The following DBF4B variants were observed in gnomAD, a reference collection of about 807,000 sequenced individuals.
DBF4B encodes the protein protein DBF4 homolog B.
In DBF4B, 49 loss-of-function variants were observed where a neutral mutation model predicts 53.4. The observed-to-expected ratio is 0.92, with a 90% CI of 0.73 to 1.16. DBF4B has a LOEUF of 1.16. Ranked by LOEUF, DBF4B falls within the 50% of genes most tolerant of loss-of-function variation. The pLI is 0.00. For synonymous variants in DBF4B, 257 were observed against 288.7 expected, an observed-to-expected ratio of 0.89 and a Z score of 1.11; for missense variants, 692 against 775.0, an observed-to-expected ratio of 0.89 and a Z score of 1.27.
At position 44,750,642 on chromosome 17, in the gene DBF4B, G is replaced by C. The variant is rs367600377; in HGVS notation, c.1237G>C (p.Asp413His). Reference sequence around the variant, plus strand: ...CCAGCAGCGATGGACAGAATCACTAGATGGTGTGATGGGACCTCCTGCAAG... The same window carrying C: ...CCAGCAGCGATGGACAGAATCACTACATGGTGTGATGGGACCTCCTGCAAG... ...AGQQRWTESL[D>H]GVMGPPASHT... The change falls in exon 14 of 14, where the codon GAT (aspartate) becomes CAT (histidine). Residue 413 changes from aspartate (D) to histidine (H), a missense_variant. Asp to His is a moderately conservative substitution (Grantham distance 81). This residue lies in a region of DBF4B where 597 missense variants were observed against 665.8 expected (regional missense o/e 0.90). Coordinates refer to ENST00000315005, the MANE Select transcript of DBF4B (RefSeq NM_145663.3). 1.9e-6 allele frequency: 3 copies of C among 1,613,868 alleles called. No individual in the cohort carries two copies. Among genetic ancestry groups the C allele is most frequent in the Non-Finnish European group, 2.5e-6 (3 of 1,180,028 alleles).
At chr17:44,721,224 C>CT (rs1033988909) in intron 2 of DBF4B, among the ~76,000 whole-genome samples, 2 of 134,018 alleles carry the variant, frequency 1.5e-5, no homozygotes, top group African/African-American at 3.0e-5. Flanking sequence ...CTTCCCCCCC[C>CT]CTCCCCTTTT....
Position 44,723,757 on chromosome 17 carries a change from T to TC in DBF4B, c.225+735_225+736insC, listed in dbSNP as rs1261588177. On this transcript the variant is annotated intron_variant, in intron 3 of 13. Coordinates refer to ENST00000315005, the MANE Select transcript of DBF4B (RefSeq NM_145663.3). ...CTGGGAGACAGAGTGAGACTCTGTA[T>TC]AAAAAAAAAAAAATGATAAATAAAT... 6.9e-4 allele frequency among the ~76,000 whole-genome samples: 95 copies of TC among 138,154 alleles called. 1 individual carries two copies. The highest frequency in any genetic ancestry group is 1.8e-3 in the African/African-American group (66 of 37,590). 90.6% of individuals were successfully genotyped at this position (138,154 alleles called of 152,430 possible). A position where few individuals can be genotyped will look rare whatever the true frequency, so the allele number is the denominator to read the frequency against.
intron 10 of DBF4B, among the ~76,000 whole-genome samples, chr17:44,745,824 A>C (rs967628134): frequency 2.6e-5 from 4 of 152,162 alleles, no homozygotes; most frequent in Non-Finnish European, 1.5e-5. Flanking sequence ...GAAGTCTTTA[A>C]AAGGAGTGTT....
intron 3 of DBF4B, among the ~76,000 whole-genome samples, chr17:44,723,972 G>A (rs1974072569): frequency 6.6e-6 from 1 of 152,032 alleles, no homozygotes; most frequent in South Asian, 2.1e-4. Flanking sequence ...TTAAGCGGGT[G>A]TGGTGGTGCA....
At chr17:44,724,535 GC>G (rs1388489104) in intron 3 of DBF4B, among the ~76,000 whole-genome samples, 1 of 152,124 alleles carries the variant, frequency 6.6e-6, no homozygotes, top group African/African-American at 2.4e-5. Context: ...CTATCACCAC[GC>G]CCGGCTAATT....
chr17:44,709,216 C>A, intron 1 of DBF4B, 88 bp from the exon 2 acceptor site: 1 of 1,542,726 alleles, frequency 6.5e-7, no homozygotes, highest in Non-Finnish European at 8.9e-7. Context: ...CGTTTCTGTG[C>A]GCGTTTTGGG....
rs1391027983 is a variant in DBF4B at position 44,747,254 on chromosome 17, G to A, written c.939+63G>A. The stretch of plus-strand genomic sequence containing the variant: ...GCCCTGAGGGAGCCTGCTCACTGGG[G>A]ATGAGTCCTTCCTATGCGATCTCTA... On this transcript the variant is annotated intron_variant, in intron 11 of 13. Coordinates refer to ENST00000315005, the MANE Select transcript of DBF4B (RefSeq NM_145663.3). 3 of 1,601,276 alleles carry A rather than the reference G, an allele frequency of 1.9e-6. No individual in the cohort carries two copies. In the East Asian group the frequency reaches 6.7e-5, roughly 36 times the overall value.
Position 44,738,425 on chromosome 17 carries a change from G to GTGA in DBF4B, c.713+2_713+4dup. 6.2e-7 allele frequency: 1 copy of GTGA among 1,613,598 alleles called. No homozygotes were observed. Among genetic ancestry groups the GTGA allele is most frequent in the Non-Finnish European group, 8.5e-7 (1 of 1,179,614 alleles). The stretch of plus-strand genomic sequence containing the variant: ...TCCTCAAAATCGAAGATGAAAGCAG[G>GTGA]TGAGTGGGACCTCCTTTCTCTGCTT... On this transcript the variant is annotated splice_donor_variant, in intron 9 of 13. Coordinates refer to ENST00000315005, the MANE Select transcript of DBF4B (RefSeq NM_145663.3). LOFTEE classifies it high-confidence loss of function.
chr17:44,736,953 C>T (rs1975506157), intron 8 of DBF4B, 87 bp downstream of exon 8: 1 of 1,487,962 alleles, frequency 6.7e-7, no homozygotes. Flanking sequence ...AGCATCTGCT[C>T]ACTTTTCTGT....
chr17:44,732,408 TG>T, intron 6 of DBF4B, 143 bp downstream of exon 6: 1 of 876,924 alleles, frequency 1.1e-6, no homozygotes, highest in Admixed American at 2.3e-5. Flanking sequence ...TCCACAAAGG[TG>T]GGAGGATGTG....
intron 6 of DBF4B, chr17:44,733,777 C>T (rs1258043330): frequency 6.1e-6 from 2 of 326,132 alleles, no homozygotes; most frequent in Admixed American, 4.4e-5. Flanking sequence ...GCCTCCCTCA[C>T]AGCCACAGCT....
intron 13 of DBF4B, chr17:44,750,281 T>G: frequency 4.5e-6 from 5 of 1,102,476 alleles, no homozygotes; most frequent in East Asian, 5.6e-5. Flanking sequence ...TGTACCGTGA[T>G]TCTTCTCACC....
intron 2 of DBF4B, among the ~76,000 whole-genome samples, chr17:44,717,339 T>G (rs1225852908): frequency 6.6e-6 from 1 of 152,154 alleles, no homozygotes; most frequent in African/African-American, 2.4e-5. Context: ...TAAAAAAATT[T>G]CAAAAATAGT....
At chr17:44,750,491 T>G in intron 13 of DBF4B, 104 bp from the exon 14 acceptor site, 1 of 1,496,726 alleles carries the variant, frequency 6.7e-7, no homozygotes, top group South Asian at 1.4e-5. Flanking sequence ...CTGTTAAATT[T>G]TACAATTAAT....
intron 2 of DBF4B, among the ~76,000 whole-genome samples, chr17:44,715,758 A>G (rs1476310616): frequency 1.0e-5 from 1 of 98,392 alleles, no homozygotes; most frequent in East Asian, 3.3e-4. Context: ...TTCCTACATT[A>G]TGTCTATTTC....
At position 44,750,577 on chromosome 17, in the gene DBF4B, C is replaced by A; in HGVS notation, c.1190-18C>A. ...TGGGGCTGGAATGCCATATGTCGGT[C>A]CTTGATCTGCCCTCCAGTGACCCAA... On this transcript the variant is annotated intron_variant, in intron 13 of 13. Coordinates refer to ENST00000315005, the MANE Select transcript of DBF4B (RefSeq NM_145663.3). 1 of 1,588,818 alleles carries A rather than the reference C, an allele frequency of 6.3e-7. No homozygotes were observed. Among genetic ancestry groups the A allele is most frequent in the South Asian group, 1.1e-5 (1 of 88,986 alleles).
chr17:44,716,771 T>G (rs1380724742), intron 2 of DBF4B, among the ~76,000 whole-genome samples: 1 of 152,146 alleles, frequency 6.6e-6, no homozygotes, highest in African/African-American at 2.4e-5. Context: ...TTTAAAGTCT[T>G]TCAAATAATT....
chr17:44,712,301 C>CTTTTTTTTTTTT (rs1163777667), intron 2 of DBF4B, among the ~76,000 whole-genome samples: 1 of 71,910 alleles, frequency 1.4e-5, no homozygotes, highest in African/African-American at 5.8e-5. Flanking sequence ...ATTATGTCTT[C>CTTTTTTTTTTTT]TTTTTTTTTT....
At chr17:44,709,007 T>C in intron 1 of DBF4B, 168 bp downstream of exon 1, 1 of 949,570 alleles carries the variant, frequency 1.1e-6, no homozygotes, top group Non-Finnish European at 1.6e-6. Context: ...GACCGAGGAA[T>C]GAAGGTGGCA....
Sources: gnomAD v4.1 joint callset for allele counts (sites outside exome capture counted in the v4.1 genomes callset) on GRCh38, gnomAD v4.1.1 for gene constraint, gnomAD v4.1.1 regional missense constraint, MANE v1.5 for transcripts, NCBI Gene and HGNC (gene_info 2026-07-23, HGNC 2026-07-21) for gene names.